Variants in SLC2A9 observed in about 807,000 individuals in gnomAD.
The protein encoded by SLC2A9 is solute carrier family 2, facilitated glucose transporter member 9.
A neutral mutation model predicts 50.6 loss-of-function variants in SLC2A9; 39 were observed. The ratio of observed to expected loss-of-function variants is 0.77; its 90% CI spans 0.60 to 1.01. The LOEUF (loss-of-function observed/expected upper bound fraction) is 1.01. SLC2A9 is among the 50% of genes least tolerant of loss of function. The pLI is 0.00. For missense variants in SLC2A9, 686 were observed against 677.6 expected (o/e 1.01, Z -0.14); for synonymous variants, 324 against 276.9 (o/e 1.17, Z -1.69).
At chr4:10,020,226 C>T (rs1287599463) in intron 1 of SLC2A9, among the ~76,000 whole-genome samples, 2 of 152,086 alleles carry the variant, frequency 1.3e-5, no homozygotes, top group African/African-American at 4.8e-5. Flanking sequence ...TCTCGTTTGT[C>T]TCCTCTAGTG....
At chr4:10,036,648 C>A (rs916327545) in intron 1 of SLC2A9, among the ~76,000 whole-genome samples, 1 of 152,186 alleles carries the variant, frequency 6.6e-6, no homozygotes, top group Non-Finnish European at 1.5e-5. Flanking sequence ...TTCATTTAAC[C>A]AGTCGGTCAT....
At chr4:9,931,694 G>A (rs1485509815) in intron 6 of SLC2A9, among the ~76,000 whole-genome samples, 2 of 151,932 alleles carry the variant, frequency 1.3e-5, no homozygotes. Context: ...AGAGGCTAAG[G>A]AGCCAAATTC....
intron 3 of SLC2A9, among the ~76,000 whole-genome samples, chr4:9,800,153 C>T (rs950746621): frequency 1.3e-5 from 2 of 152,192 alleles, no homozygotes; most frequent in African/African-American, 4.8e-5. Context: ...GTATCCCTGC[C>T]AAGCTCAGTT....
At chr4:9,821,344 G>C (rs1260338984), downstream of SLC2A9, among the ~76,000 whole-genome samples, 1 of 152,194 alleles carries the variant, frequency 6.6e-6, no homozygotes, top group African/African-American at 2.4e-5. Flanking sequence ...GGAATTGTGT[G>C]CCTTTGGATG....
upstream of SLC2A9, among the ~76,000 whole-genome samples, chr4:10,024,651 T>G (rs1578385792): frequency 6.6e-6 from 1 of 152,192 alleles, no homozygotes. Context: ...AAACCCACAG[T>G]GTCCTAAGCC....
intron 2 of SLC2A9, among the ~76,000 whole-genome samples, chr4:10,000,671 T>C (rs543440795): frequency 6.6e-6 from 1 of 152,332 alleles, no homozygotes; most frequent in East Asian, 1.9e-4. Context: ...CATAGGTCTC[T>C]TGGTGCTAAG....
intron 8 of SLC2A9, among the ~76,000 whole-genome samples, chr4:9,896,088 G>A (rs901491977): frequency 6.6e-6 from 1 of 152,202 alleles, no homozygotes; most frequent in African/African-American, 2.4e-5. Context: ...GAGTCTTCAT[G>A]TAGACTTGTG....
upstream of SLC2A9, among the ~76,000 whole-genome samples, chr4:10,021,882 C>G (rs897329519): frequency 6.6e-6 from 1 of 151,424 alleles, no homozygotes; most frequent in South Asian, 2.1e-4. Flanking sequence ...CTCTGTTGCC[C>G]GGGCTGGAGT....
chr4:9,959,579 G>T (rs989599428), intron 5 of SLC2A9, among the ~76,000 whole-genome samples: 2 of 152,176 alleles, frequency 1.3e-5, no homozygotes, highest in African/African-American at 2.4e-5. Context: ...AGAGCAGACA[G>T]GGAGCTTGAG....
chr4:9,984,983 C>G (rs556639788), intron 4 of SLC2A9, among the ~76,000 whole-genome samples: 1 of 152,206 alleles, frequency 6.6e-6, no homozygotes, highest in Non-Finnish European at 1.5e-5. Flanking sequence ...CGTGCCATGC[C>G]TCCTTCCGCC....
intron 1 of SLC2A9, among the ~76,000 whole-genome samples, chr4:10,029,494 C>G (rs975367327): frequency 2.0e-5 from 3 of 151,956 alleles, no homozygotes; most frequent in African/African-American, 7.2e-5. Context: ...TATAAATGTA[C>G]AATGTATAAA....
Position 9,928,908 on chromosome 4 carries a change from C to T in SLC2A9, c.815-8336G>A, listed in dbSNP as rs117862931. On this transcript the variant is annotated intron_variant, in intron 6 of 11. Transcript: ENST00000264784. ...ATAAAAAGGCAACAACTTCTTACTACTCAGCAAGGACAGTGGTTGATACTA... is the reference window on the plus strand; with the variant it reads ...ATAAAAAGGCAACAACTTCTTACTATTCAGCAAGGACAGTGGTTGATACTA... Among the ~76,000 whole-genome samples the T allele has an allele frequency of 1.3e-4, 20 of 152,352 alleles. No individual in the cohort carries two copies. The East Asian group carries it at 3.5e-3, about 26-fold the overall frequency.
chr4:9,903,604 C>CT (rs1740067158), intron 8 of SLC2A9, among the ~76,000 whole-genome samples: 1 of 152,124 alleles, frequency 6.6e-6, no homozygotes, highest in Non-Finnish European at 1.5e-5. Flanking sequence ...GCAAAGATGT[C>CT]TTTCCCCTCT....
At chr4:9,774,242 C>T (rs1458253512) in intron 1 of SLC2A9, among the ~76,000 whole-genome samples, 2 of 152,072 alleles carry the variant, frequency 1.3e-5, no homozygotes, top group Non-Finnish European at 2.9e-5. Flanking sequence ...GATCTACCCA[C>T]CTCGGCCCCT....
At chr4:9,893,776 C>T (rs1411139819) in intron 8 of SLC2A9, among the ~76,000 whole-genome samples, 2 of 152,138 alleles carry the variant, frequency 1.3e-5, no homozygotes, top group Admixed American at 6.5e-5. Context: ...GGAGAAAAGG[C>T]CCAGAGATAT....
chr4:10,003,557 G>T (rs920200553), intron 2 of SLC2A9, among the ~76,000 whole-genome samples: 5 of 152,140 alleles, frequency 3.3e-5, no homozygotes, highest in Non-Finnish European at 7.4e-5. Flanking sequence ...AAAGTTCCCC[G>T]AAAGCTGTTT....
At chr4:9,890,582 C>T (rs1166462578) in intron 9 of SLC2A9, 28 bp downstream of exon 9, 1 of 1,607,880 alleles carries the variant, frequency 6.2e-7, no homozygotes, top group Admixed American at 1.7e-5. Context: ...GCTTATCTCC[C>T]TCAAATGTGA....
chr4:9,942,783 T>G (rs1251952852), intron 5 of SLC2A9, among the ~76,000 whole-genome samples: 1 of 152,212 alleles, frequency 6.6e-6, no homozygotes, highest in Non-Finnish European at 1.5e-5. Context: ...ACCTGCTTTC[T>G]TCCTACCCAA....
intron 1 of SLC2A9, among the ~76,000 whole-genome samples, chr4:9,772,603 G>A (rs1256485759): frequency 6.6e-6 from 1 of 152,160 alleles, no homozygotes; most frequent in South Asian, 2.1e-4. Flanking sequence ...ACAGAGCCTG[G>A]CCCCCAGTCT....
Sources: gnomAD v4.1 joint callset for allele counts (sites outside exome capture counted in the v4.1 genomes callset) on GRCh38, gnomAD v4.1.1 for gene constraint, MANE v1.5 for transcripts, NCBI Gene and HGNC (gene_info 2026-07-23, HGNC 2026-07-21) for gene names.